Variants in ZNF148 observed in about 807,000 individuals in gnomAD.
The protein encoded by ZNF148 is zinc finger protein 148, also known as Beta-Enolase Repressor Factor-1.
In ZNF148, 7 loss-of-function variants were observed where a neutral mutation model predicts 67.7. The ratio of observed to expected loss-of-function variants is 0.10; its 90% confidence interval spans 0.06 to 0.19. ZNF148 has a LOEUF of 0.19. Ranked by LOEUF, ZNF148 falls within the 10% of genes least tolerant of loss-of-function variation. The pLI, the probability that ZNF148 is intolerant of heterozygous loss-of-function variation, is 1.00. For synonymous variants in ZNF148, 333 were observed against 330.7 expected (o/e 1.01, Z -0.08); for missense variants, 583 against 947.1 (o/e 0.62, Z 5.05).
In ZNF148 at chr3:125,278,845, T is replaced by TA. The variant is rs1358302881; in HGVS notation, c.583+278dup. The stretch of plus-strand genomic sequence containing the variant: ...AAATGAACACTGATAAACAGGCTTT[T>TA]AATAATACATTCTTTAATCATTTCT... On this transcript the variant is annotated intron_variant, in intron 6 of 8. Transcript: ENST00000360647. Among the ~76,000 whole-genome samples, 6 of 152,330 alleles carry TA rather than the reference T, an allele frequency of 3.9e-5. No homozygotes were observed. In the East Asian group the frequency reaches 1.2e-3, roughly 29 times the overall value.
At chr3:125,270,390 G>T (rs1050640972) in intron 7 of ZNF148, among the ~76,000 whole-genome samples, 30 of 151,792 alleles carry the variant, frequency 2.0e-4, no homozygotes, top group African/African-American at 6.3e-4. Flanking sequence ...AGGCATGGTG[G>T]TGTGCTTCCA....
At chr3:125,297,488 C>T (rs1223852923) in intron 4 of ZNF148, among the ~76,000 whole-genome samples, 1 of 145,708 alleles carries the variant, frequency 6.9e-6, no homozygotes, top group Non-Finnish European at 1.5e-5. Context: ...AAAAGACCCA[C>T]CAGAGTCAGA....
At chr3:125,271,362 A>T (rs1270991474) in intron 7 of ZNF148, among the ~76,000 whole-genome samples, 1 of 152,178 alleles carries the variant, frequency 6.6e-6, no homozygotes, top group Non-Finnish European at 1.5e-5. Flanking sequence ...TCTTACCCCT[A>T]CACCCACAGA....
Position 125,341,999 on chromosome 3 carries a change from C to CG in ZNF148, c.-233-10762dup, listed in dbSNP as rs1272075666. On this transcript the variant is annotated intron_variant, in intron 1 of 8. Transcript: ENST00000360647. Reference sequence around the variant, plus strand: ...GACAGAGCCACACTCTGTTTCGGGGCGGGGGGGGGAATGGAAATCATGGGG... The same window carrying CG: ...GACAGAGCCACACTCTGTTTCGGGGCGGGGGGGGGGAATGGAAATCATGGGG... Among the ~76,000 whole-genome samples the CG allele has an allele frequency of 3.4e-4, 47 of 138,906 alleles. No homozygotes were observed. The East Asian group carries it at 3.7e-3, about 11-fold the overall frequency. The allele number at this position is 138,906 out of a possible 152,430, so 91.1% of individuals were successfully genotyped here. A position where few individuals can be genotyped will look rare whatever the true frequency, so the allele number is the denominator to read the frequency against.
chr3:125,369,327 T>A (rs1289598735), intron 1 of ZNF148, among the ~76,000 whole-genome samples: 1 of 82,506 alleles, frequency 1.2e-5, no homozygotes, highest in Non-Finnish European at 2.3e-5. Flanking sequence ...GTCATTTTAA[T>A]ACATTTCCAG....
intron 1 of ZNF148, among the ~76,000 whole-genome samples, chr3:125,372,472 ATCT>A (rs1473014838): frequency 6.6e-6 from 1 of 152,246 alleles, no homozygotes; most frequent in East Asian, 1.9e-4. Flanking sequence ...ATTCATAAAC[ATCT>A]TCTGACTCCG....
chr3:125,274,762 T>C (rs1025430045), intron 7 of ZNF148, among the ~76,000 whole-genome samples: 2 of 152,154 alleles, frequency 1.3e-5, no homozygotes, highest in Non-Finnish European at 2.9e-5. Flanking sequence ...GAAGGATGTA[T>C]GGAAAATGGA....
chr3:125,299,647 T>TGGG (rs1939483215), intron 4 of ZNF148, among the ~76,000 whole-genome samples: 1 of 152,228 alleles, frequency 6.6e-6, no homozygotes, highest in Non-Finnish European at 1.5e-5. Context: ...TAGACCATGT[T>TGGG]GGGTCAACTC....
intron 4 of ZNF148, among the ~76,000 whole-genome samples, chr3:125,294,698 T>C (rs1440447336): frequency 6.6e-6 from 1 of 152,170 alleles, no homozygotes; most frequent in Non-Finnish European, 1.5e-5. Context: ...TATAGTCTAT[T>C]GCATTAAATC....
chr3:125,304,395 G>C (rs1029785173), intron 4 of ZNF148, among the ~76,000 whole-genome samples: 1 of 152,124 alleles, frequency 6.6e-6, no homozygotes, highest in Non-Finnish European at 1.5e-5. Context: ...ATGTATCTAA[G>C]TAAGAGTGCC....
chr3:125,239,319 T>TA (rs1163270829), intron 7 of ZNF148, among the ~76,000 whole-genome samples: 2 of 152,172 alleles, frequency 1.3e-5, no homozygotes, highest in African/African-American at 4.8e-5. Context: ...AGAGAACTCT[T>TA]ACAACTCAAT....
At chr3:125,279,429 G>C (rs1013687259) in intron 5 of ZNF148, among the ~76,000 whole-genome samples, 182 bp from the exon 6 acceptor site, 7 of 152,142 alleles carry the variant, frequency 4.6e-5, no homozygotes, top group South Asian at 2.1e-4. Context: ...AAAGTACAAT[G>C]TGACTCAGAA....
At chr3:125,268,790 G>A (rs1371350128) in intron 7 of ZNF148, among the ~76,000 whole-genome samples, 1 of 152,050 alleles carries the variant, frequency 6.6e-6, no homozygotes, top group Non-Finnish European at 1.5e-5. Flanking sequence ...GACCAGCCTA[G>A]GCAACATGGC....
At chr3:125,324,463 T>A (rs1178645087) in intron 2 of ZNF148, among the ~76,000 whole-genome samples, 1 of 152,126 alleles carries the variant, frequency 6.6e-6, no homozygotes, top group African/African-American at 2.4e-5. Context: ...TATGGAAAAT[T>A]TTTAGCACAC....
At chr3:125,320,399 G>A (rs1940716807) in intron 3 of ZNF148, among the ~76,000 whole-genome samples, 1 of 152,160 alleles carries the variant, frequency 6.6e-6, no homozygotes, top group African/African-American at 2.4e-5. Context: ...CTTTCTGAAT[G>A]TATATGAACA....
chr3:125,298,618 A>ATTTTTT (rs11312460), intron 4 of ZNF148, among the ~76,000 whole-genome samples: 5 of 102,634 alleles, frequency 4.9e-5, no homozygotes, highest in African/African-American at 8.5e-5. Flanking sequence ...TTTATATTAA[A>ATTTTTT]TTTTTTTTTT....
rs914333070 is a variant in ZNF148 at position 125,232,126 on chromosome 3, T to C, written c.*215A>G. On this transcript the variant is annotated 3_prime_UTR_variant, in exon 9 of 9. Coordinates refer to ENST00000360647, the MANE Select transcript of ZNF148 (RefSeq NM_021964.3). This position sits in a 1 kb window ranked among gnomAD's most constrained non-coding sequence, Gnocchi z 4.2. The stretch of plus-strand genomic sequence containing the variant: ...TTTCTGATCTAAAACAAGTAATGCA[T>C]TGCTTCTATAAAGGTGACAACATGT... 4.2e-6 allele frequency: 2 copies of C among 476,512 alleles called. No homozygotes were observed. Among genetic ancestry groups the C allele is most frequent in the South Asian group, 1.2e-4 (2 of 16,604 alleles). 29.5% of individuals were successfully genotyped at this position (476,512 alleles called of 1,614,324 possible).
At chr3:125,336,307 T>C (rs1167505579) in intron 1 of ZNF148, among the ~76,000 whole-genome samples, 1 of 152,218 alleles carries the variant, frequency 6.6e-6, no homozygotes, top group Non-Finnish European at 1.5e-5. Flanking sequence ...TAGAGCACAT[T>C]TTACACATTA....
chr3:125,327,223 A>C (rs971442148), intron 2 of ZNF148, among the ~76,000 whole-genome samples: 1 of 152,220 alleles, frequency 6.6e-6, no homozygotes, highest in Non-Finnish European at 1.5e-5. Flanking sequence ...TGCACCTAAA[A>C]AGAGTCCCAA....
Sources: allele counts gnomAD v4.1 joint callset (sites outside exome capture counted in the v4.1 genomes callset), GRCh38; gene constraint gnomAD v4.1.1; non-coding constraint Gnocchi (gnomAD v3.1); transcripts MANE v1.5; gene names NCBI Gene and HGNC (gene_info 2026-07-23, HGNC 2026-07-21).